The following ANXA2 variants were observed in gnomAD, a reference collection of about 807,000 sequenced individuals.
The protein encoded by ANXA2 is annexin II.
Under a neutral mutation model 47.3 loss-of-function variants are expected in ANXA2, and 28 were observed. The ratio of observed to expected loss-of-function variants is 0.59; its 90% CI spans 0.44 to 0.81. The LOEUF (loss-of-function observed/expected upper bound fraction) is 0.81, where lower values mean the gene tolerates loss of function less well. ANXA2 is among the 40% of genes least tolerant of loss of function. The pLI is 0.00. For synonymous variants in ANXA2, 172 were observed against 155.5 expected (o/e 1.11, Z -0.79); for missense variants, 384 against 414.3 (o/e 0.93, Z 0.64).
At chr15:60,347,763 C>G in intron 12 of ANXA2, 74 bp from the exon 13 acceptor site, 2 of 1,275,198 alleles carry the variant, frequency 1.6e-6, no homozygotes, top group Non-Finnish European at 2.3e-6. Flanking sequence ...ACAGAAGTAG[C>G]CTCAACGCAC....
intron 1 of ANXA2, among the ~76,000 whole-genome samples, chr15:60,396,891 CG>C (rs2080706980): frequency 6.6e-6 from 1 of 152,216 alleles, no homozygotes; most frequent in African/African-American, 2.4e-5. Flanking sequence ...AGCTTTAAAA[CG>C]GCAATCTTAC....
intron 3 of ANXA2, among the ~76,000 whole-genome samples, chr15:60,373,378 C>G (rs2062735720): frequency 6.6e-6 from 1 of 152,182 alleles, no homozygotes. Flanking sequence ...TCCTTCCAAA[C>G]AAGCCTGTTA....
At position 60,347,552 on chromosome 15, in the gene ANXA2, T is replaced by C. The variant is rs1595654774; in HGVS notation, c.*78A>G. 4.8e-6 allele frequency: 7 copies of C among 1,466,190 alleles called. No individual in the cohort carries two copies. The East Asian group carries it at 1.1e-4, about 24-fold the overall frequency. 90.8% of individuals were successfully genotyped at this position (1,466,190 alleles called of 1,614,324 possible). A position where few individuals can be genotyped will look rare whatever the true frequency, so the allele number is the denominator to read the frequency against. ...ACAGGGATGGCCACGGGGACTGTTA[T>C]TCGCAAGCTGGTTTTCTAGACCTGT... On this transcript the variant is annotated 3_prime_UTR_variant, in exon 13 of 13. Transcript: ENST00000451270.
chr15:60,379,062 C>T (rs2062818959), intron 3 of ANXA2, among the ~76,000 whole-genome samples: 1 of 151,458 alleles, frequency 6.6e-6, no homozygotes, highest in Non-Finnish European at 1.5e-5. Context: ...GGGTGGATCA[C>T]GAGGTCAGGA....
At chr15:60,389,562 T>G (rs1595709523) in intron 1 of ANXA2, among the ~76,000 whole-genome samples, 1 of 152,222 alleles carries the variant, frequency 6.6e-6, no homozygotes, top group African/African-American at 2.4e-5. Context: ...GAGGAGACTG[T>G]TAAAAGCCCC....
At chr15:60,375,854 C>G (rs191718644) in intron 3 of ANXA2, among the ~76,000 whole-genome samples, 1 of 152,198 alleles carries the variant, frequency 6.6e-6, no homozygotes, top group East Asian at 1.9e-4. Flanking sequence ...GAACACAGAC[C>G]AAGAAATAGC....
intron 7 of ANXA2, among the ~76,000 whole-genome samples, chr15:60,355,071 G>A (rs946691756): frequency 6.6e-6 from 1 of 152,178 alleles, no homozygotes; most frequent in African/African-American, 2.4e-5. Context: ...ACGCTCTCAG[G>A]TAAGTAAGGA....
chr15:60,352,553 A>C lies in ANXA2; in HGVS notation c.589-77T>G. On this transcript the variant is annotated intron_variant, in intron 8 of 12. Transcript: ENST00000451270. The surrounding 1 kb of genome is among the most constrained non-coding windows in gnomAD (Gnocchi z 4.2). Reference sequence around the variant, plus strand: ...AAAAAAAATGTCATGCAAAAAAAACAAAAAAAGCTACACATTCAAAATGCC... The same window carrying C: ...AAAAAAAATGTCATGCAAAAAAAACCAAAAAAGCTACACATTCAAAATGCC... 2 of 1,027,400 alleles carry C rather than the reference A, an allele frequency of 1.9e-6. No homozygotes were observed. The highest frequency in any genetic ancestry group is 3.0e-6 in the Non-Finnish European group (2 of 673,402). The allele number at this position is 1,027,400 out of a possible 1,614,324, so 63.6% of individuals were successfully genotyped here.
chr15:60,363,652 C>T (rs1483473757), intron 4 of ANXA2, among the ~76,000 whole-genome samples: 2 of 152,124 alleles, frequency 1.3e-5, no homozygotes, highest in African/African-American at 2.4e-5. Flanking sequence ...TTCTTAACCA[C>T]TAGTGGACAA....
intron 8 of ANXA2, among the ~76,000 whole-genome samples, chr15:60,353,645 T>C (rs565898132): frequency 1.3e-5 from 2 of 152,220 alleles, no homozygotes; most frequent in East Asian, 3.9e-4. Flanking sequence ...CCTAATCCCC[T>C]CCCACTGAGT....
At chr15:60,355,637 C>A in intron 7 of ANXA2, 1 of 495,014 alleles carries the variant, frequency 2.0e-6, no homozygotes, top group Non-Finnish European at 3.7e-6. Context: ...CCCTAAGTCA[C>A]ACGGCCAAGG....
intron 5 of ANXA2, among the ~76,000 whole-genome samples, chr15:60,360,416 A>C (rs1222400094): frequency 6.6e-6 from 1 of 152,240 alleles, no homozygotes; most frequent in African/African-American, 2.4e-5. Flanking sequence ...TTGAGACTTC[A>C]CAGTTACTTT....
At chr15:60,371,221 C>G (rs1304582089) in intron 3 of ANXA2, among the ~76,000 whole-genome samples, 1 of 152,180 alleles carries the variant, frequency 6.6e-6, no homozygotes, top group Non-Finnish European at 1.5e-5. Flanking sequence ...ATCGTGGGCA[C>G]CCCCAGAGGT....
chr15:60,350,776 C>CAT (rs71122851), intron 11 of ANXA2, among the ~76,000 whole-genome samples: 119,909 of 151,854 alleles, frequency 0.79, 47,770 homozygotes, highest in African/African-American at 0.87. Flanking sequence ...AGAAGATAAT[C>CAT]ATAAGCCTCA....
intron 6 of ANXA2, among the ~76,000 whole-genome samples, chr15:60,356,417 A>T (rs1162323883): frequency 6.6e-6 from 1 of 152,196 alleles, no homozygotes; most frequent in Non-Finnish European, 1.5e-5. Flanking sequence ...AACTACTAAG[A>T]ATTAAACAAT....
chr15:60,358,557 A>G (rs573873141), intron 5 of ANXA2, among the ~76,000 whole-genome samples: 3 of 152,348 alleles, frequency 2.0e-5, no homozygotes, highest in Admixed American at 6.5e-5. Context: ...TGTATAATAT[A>G]AGCTAAGCCT....
At chr15:60,355,274 AAG>A (rs2062409606) in intron 7 of ANXA2, among the ~76,000 whole-genome samples, 1 of 152,144 alleles carries the variant, frequency 6.6e-6, no homozygotes. Context: ...GGTGGTAGCG[AAG>A]AGAGGAGAGC....
chr15:60,374,325 C>A, intron 3 of ANXA2: 1 of 375,718 alleles, frequency 2.7e-6, no homozygotes, highest in Admixed American at 3.5e-5. Flanking sequence ...ATCAAATCGT[C>A]AGTGAAGGAA....
At chr15:60,397,099 C>T (rs2063090117) in intron 1 of ANXA2, among the ~76,000 whole-genome samples, 1 of 152,116 alleles carries the variant, frequency 6.6e-6, no homozygotes, top group African/African-American at 2.4e-5. Context: ...CTGATGGAAC[C>T]CAAGCCCTCC....
Sources: allele counts gnomAD v4.1 joint callset (sites outside exome capture counted in the v4.1 genomes callset), GRCh38; gene constraint gnomAD v4.1.1; non-coding constraint Gnocchi (gnomAD v3.1); transcripts MANE v1.5; gene names NCBI Gene and HGNC (gene_info 2026-07-23, HGNC 2026-07-21).